The following HECW2 variants were observed in gnomAD, a reference collection of about 807,000 sequenced individuals.
The protein encoded by HECW2 is E3 ubiquitin-protein ligase HECW2.
A neutral mutation model predicts 175.2 loss-of-function variants in HECW2; 61 were observed. The observed-to-expected ratio is 0.35, with a 90% confidence interval of 0.28 to 0.43. HECW2 has a LOEUF of 0.43. HECW2 is among the 20% of genes least tolerant of loss of function. HECW2 has a pLI of 1.00. For synonymous variants in HECW2, 671 were observed against 731.0 expected (o/e 0.92, Z 1.32); for missense variants, 1,524 against 2,000.5 (o/e 0.76, Z 4.54).
chr2:196,317,008 C>G (rs1691722726), intron 10 of HECW2: 2 of 399,720 alleles, frequency 5.0e-6, no homozygotes, highest in Non-Finnish European at 9.2e-6. Context: ...CACCCAATTT[C>G]CCAAAATATC....
chr2:196,572,631 C>A (rs886372306), intron 1 of HECW2, among the ~76,000 whole-genome samples: 7 of 152,100 alleles, frequency 4.6e-5, no homozygotes, highest in Non-Finnish European at 7.4e-5. Context: ...TTGTGCTTGC[C>A]CCCTCCAAAT....
chr2:196,247,921 C>A (rs1322920349), intron 19 of HECW2, among the ~76,000 whole-genome samples: 1 of 152,196 alleles, frequency 6.6e-6, no homozygotes, highest in African/African-American at 2.4e-5. Context: ...ACGCTCATCT[C>A]TTTCCTGGTT....
At chr2:196,556,308 T>C (rs768387000) in intron 1 of HECW2, among the ~76,000 whole-genome samples, 2 of 152,198 alleles carry the variant, frequency 1.3e-5, no homozygotes, top group Non-Finnish European at 2.9e-5. Flanking sequence ...GTGGCGAGAA[T>C]ATGTAAGATC....
intron 2 of HECW2, among the ~76,000 whole-genome samples, chr2:196,418,890 T>C (rs1695331331): frequency 6.6e-6 from 1 of 152,180 alleles, no homozygotes; most frequent in Non-Finnish European, 1.5e-5. Context: ...TCTAACATTG[T>C]TAAACAAACA....
At chr2:196,201,484 C>A in intron 28 of HECW2, 96 bp from the exon 29 acceptor site, 1 of 645,818 alleles carries the variant, frequency 1.5e-6, no homozygotes, top group Non-Finnish European at 2.6e-6. Context: ...GTGTGTATGA[C>A]TGTCTTTCAC....
At chr2:196,244,571 A>C (rs773124480) in intron 19 of HECW2, among the ~76,000 whole-genome samples, 1 of 152,180 alleles carries the variant, frequency 6.6e-6, no homozygotes, top group Non-Finnish European at 1.5e-5. Flanking sequence ...CAAGCCCCGC[A>C]AGCATTTGTT....
chr2:196,549,648 T>G (rs1465811559), intron 1 of HECW2, among the ~76,000 whole-genome samples: 1 of 152,114 alleles, frequency 6.6e-6, no homozygotes, highest in South Asian at 2.1e-4. Context: ...CAAAGTTATA[T>G]CTACACATTG....
At chr2:196,518,256 A>C (rs963012116) in intron 1 of HECW2, among the ~76,000 whole-genome samples, 2 of 152,250 alleles carry the variant, frequency 1.3e-5, no homozygotes, top group Non-Finnish European at 2.9e-5. Flanking sequence ...ACACAAAGAC[A>C]TCTGAGTCTG....
At chr2:196,540,572 T>G (rs776060465) in intron 1 of HECW2, among the ~76,000 whole-genome samples, 11 of 152,162 alleles carry the variant, frequency 7.2e-5, no homozygotes, top group Non-Finnish European at 1.5e-4. Flanking sequence ...GCCTCCCAAG[T>G]AGCTGAGACT....
In HECW2 at chr2:196,316,711, C is replaced by T. The variant is rs150979555; in HGVS notation, c.2434+563G>A. On this transcript the variant is annotated intron_variant, in intron 10 of 28. Transcript: ENST00000644978. Reference sequence around the variant, plus strand: ...ATCCTCCACCATTTCTCCTTAAGTGCTAAGTGTTTTCTGAAAGTGAAATAA... The same window carrying T: ...ATCCTCCACCATTTCTCCTTAAGTGTTAAGTGTTTTCTGAAAGTGAAATAA... 910 of 153,498 alleles carry T rather than the reference C, an allele frequency of 5.9e-3. 9 individuals carry two copies. Among genetic ancestry groups the T allele is most frequent in the Middle Eastern group, 0.02 (6 of 294 alleles). 9.5% of individuals were successfully genotyped at this position (153,498 alleles called of 1,614,324 possible).
intron 15 of HECW2, among the ~76,000 whole-genome samples, chr2:196,274,627 A>C (rs1350071557): frequency 1.3e-5 from 2 of 152,188 alleles, no homozygotes; most frequent in East Asian, 3.8e-4. Flanking sequence ...GTTTCGAGTT[A>C]GTGTATTATC....
Position 196,260,472 on chromosome 2 carries a change from T to G in HECW2, c.3336-2566A>C, listed in dbSNP as rs956701748. On this transcript the variant is annotated intron_variant, in intron 17 of 28. Coordinates refer to ENST00000644978, the MANE Select transcript of HECW2 (RefSeq NM_001348768.2). ...ATGGTACCACACGCTGGGAATCCAA[T>G]GGGGAGTAAGAGAAAGTCCCTTTTC... The G allele has an allele frequency of 3.3e-5, 5 of 152,220 alleles. No homozygotes were observed. The South Asian group carries it at 8.3e-4, about 25-fold the overall frequency. 9.4% of individuals were successfully genotyped at this position (152,220 alleles called of 1,614,324 possible). A position where few individuals can be genotyped will look rare whatever the true frequency, so the allele number is the denominator to read the frequency against.
At chr2:196,367,423 A>G (rs755291420) in intron 2 of HECW2, among the ~76,000 whole-genome samples, 5 of 152,214 alleles carry the variant, frequency 3.3e-5, no homozygotes, top group Non-Finnish European at 7.3e-5. Context: ...CATACAATGC[A>G]TAATAATCAC....
chr2:196,452,829 T>C (rs1432456133), intron 1 of HECW2, among the ~76,000 whole-genome samples: 1 of 150,124 alleles, frequency 6.7e-6, no homozygotes, highest in Non-Finnish European at 1.5e-5. Context: ...CCAATAAATG[T>C]AGCCTGGTAT....
intron 1 of HECW2, among the ~76,000 whole-genome samples, chr2:196,575,749 G>A (rs140491510): frequency 1.3e-3 from 203 of 152,242 alleles, no homozygotes; most frequent in African/African-American, 4.5e-3. Context: ...ATATATGCTT[G>A]GCTTCTGGTG....
At chr2:196,356,753 G>C (rs1693382689) in intron 2 of HECW2, among the ~76,000 whole-genome samples, 2 of 152,178 alleles carry the variant, frequency 1.3e-5, no homozygotes, top group Admixed American at 1.3e-4. Context: ...ATAATATATT[G>C]TTATAATTGT....
chr2:196,319,949 A>T, intron 8 of HECW2, 45 bp from the exon 9 acceptor site: 1 of 1,521,660 alleles, frequency 6.6e-7, no homozygotes, highest in Non-Finnish European at 8.8e-7. Flanking sequence ...CAGAAATAAT[A>T]AGTGAACGTT....
chr2:196,552,297 C>T (rs947281846), intron 1 of HECW2, among the ~76,000 whole-genome samples: 1 of 152,124 alleles, frequency 6.6e-6, no homozygotes. Flanking sequence ...TGTGAGAAAA[C>T]GTTTATATTC....
intron 28 of HECW2, among the ~76,000 whole-genome samples, chr2:196,210,371 T>G (rs1377830843): frequency 2.0e-5 from 3 of 151,952 alleles, no homozygotes; most frequent in African/African-American, 7.3e-5. Flanking sequence ...GTAATTGACT[T>G]TTTTTTCCTT....
Sources: allele counts gnomAD v4.1 joint callset (sites outside exome capture counted in the v4.1 genomes callset), GRCh38; gene constraint gnomAD v4.1.1; transcripts MANE v1.5; gene names NCBI Gene and HGNC (gene_info 2026-07-23, HGNC 2026-07-21).